Variants in TMPRSS7 observed in about 807,000 individuals in gnomAD.
TMPRSS7 encodes the protein transmembrane protease serine 7.
TMPRSS7 carries 81 observed loss-of-function variants against 95.6 expected under a neutral mutation model. That is an observed-to-expected ratio of 0.85 (90% CI 0.71 to 1.02). TMPRSS7 has a LOEUF of 1.02. TMPRSS7 is among the 50% of genes least tolerant of loss of function. TMPRSS7 has a pLI of 0.00. For synonymous variants in TMPRSS7, 364 were observed against 337.8 expected (o/e 1.08, Z -0.85); for missense variants, 945 against 955.2 (o/e 0.99, Z 0.14).
At chr3:112,057,003 G>A (rs746317746) in intron 9 of TMPRSS7, 22 bp from the exon 10 acceptor site, 1 of 1,522,160 alleles carries the variant, frequency 6.6e-7, no homozygotes. Context: ...ATTTTTTTCT[G>A]ACTTAATGTT....
exon 11 of TMPRSS7, chr3:112,061,860 T>C: frequency 1.2e-6 from 2 of 1,612,824 alleles, no homozygotes; most frequent in African/African-American, 1.3e-5. Flanking sequence ...TCAGCTCCAG[T>C]GCAGTTCAAG....
At chr3:112,041,613 A>T (rs2073210015) in intron 2 of TMPRSS7, among the ~76,000 whole-genome samples, 2 of 152,236 alleles carry the variant, frequency 1.3e-5, no homozygotes, top group Admixed American at 6.5e-5. Context: ...GACAGAGAGA[A>T]ATTATGATAA....
intron 2 of TMPRSS7, among the ~76,000 whole-genome samples, chr3:112,040,438 A>T (rs2073193890): frequency 1.3e-5 from 2 of 152,194 alleles, no homozygotes; most frequent in South Asian, 4.1e-4. Flanking sequence ...GTTCCCGAAC[A>T]TTCATTTGAT....
At chr3:112,067,091 G>A (rs948428794) in intron 13 of TMPRSS7, among the ~76,000 whole-genome samples, 13 of 152,086 alleles carry the variant, frequency 8.5e-5, no homozygotes, top group Non-Finnish European at 5.9e-5. Context: ...TTGGTTTTCC[G>A]TCCTTGTGAT....
chr3:112,040,931 G>A (rs2073200143), intron 2 of TMPRSS7, among the ~76,000 whole-genome samples: 1 of 152,134 alleles, frequency 6.6e-6, no homozygotes, highest in Non-Finnish European at 1.5e-5. Flanking sequence ...GAAGAGTTAG[G>A]TAAATGTAGT....
chr3:112,078,865 G>T, exon 17 of TMPRSS7: 1 of 1,613,880 alleles, frequency 6.2e-7, no homozygotes, highest in Non-Finnish European at 8.5e-7. Flanking sequence ...TCAGGCAAGA[G>T]AGATGCCTGC....
At position 112,067,340 on chromosome 3, in the gene TMPRSS7, T is replaced by A. The variant is rs577602482; in HGVS notation, c.1666+838T>A. Among the ~76,000 whole-genome samples the A allele has an allele frequency of 1.5e-3, 234 of 152,352 alleles. 1 individual carries two copies. Among genetic ancestry groups the A allele is most frequent in the African/African-American group, 5.2e-3 (217 of 41,580 alleles). ...CATGATTTATAATCCTTTAGGTATA[T>A]ACCCAGTAATGGGATGGCTGGGTCA... is the stretch of plus-strand genomic sequence containing the variant. On this transcript the variant is annotated intron_variant, in intron 13 of 17. Coordinates refer to ENST00000452346, the Ensembl canonical transcript of TMPRSS7.
In TMPRSS7 at chr3:112,053,275, A is replaced by G. The variant is rs140902268; in HGVS notation, c.1203+2492A>G. Among the ~76,000 whole-genome samples, 686 of 152,232 alleles carry G rather than the reference A, an allele frequency of 4.5e-3. 5 individuals are homozygous for G. The highest frequency in any genetic ancestry group is 0.016 in the African/African-American group (655 of 41,528). On this transcript the variant is annotated intron_variant, in intron 9 of 17. Coordinates refer to ENST00000452346, the Ensembl canonical transcript of TMPRSS7. Reference sequence around the variant, plus strand: ...CAAAAGTTAGTTTATATTCTCCTCAATCCATCTTAGTGTCTGGTCCCATTT... The same window carrying G: ...CAAAAGTTAGTTTATATTCTCCTCAGTCCATCTTAGTGTCTGGTCCCATTT...
chr3:112,066,417 C>T, exon 13 of TMPRSS7: 4 of 1,613,888 alleles, frequency 2.5e-6, no homozygotes, highest in Non-Finnish European at 2.5e-6. Context: ...CCTGCAATAC[C>T]AGCTCCTTCA....
At chr3:112,067,129 T>C (rs1458641513) in intron 13 of TMPRSS7, among the ~76,000 whole-genome samples, 1 of 152,204 alleles carries the variant, frequency 6.6e-6, no homozygotes. Context: ...GGTTTCCAGC[T>C]TCATCCATGT....
rs4682345 is a variant in TMPRSS7, at chr3:112,036,483, G to A, written c.49-1589G>A. On this transcript the variant is annotated intron_variant, in intron 1 of 17. Coordinates refer to ENST00000452346, the Ensembl canonical transcript of TMPRSS7. ...CTTGGGATGCTGAGGCAGGGGAATC[G>A]CTGGAACCCATGAGGCAGAGGTTGC... 8.6e-5 allele frequency among the ~76,000 whole-genome samples: 13 copies of A among 151,638 alleles called. No individual in the cohort carries two copies. The South Asian group carries it at 1.5e-3, about 17-fold the overall frequency.
Position 112,077,154 on chromosome 3 carries a change from T to A in TMPRSS7, c.2224+10T>A, listed in dbSNP as rs746483349. On this transcript the variant is annotated intron_variant, in intron 16 of 17. Coordinates refer to ENST00000452346, the Ensembl canonical transcript of TMPRSS7. ...CGAAGACACGAAGCAGGTGTGTGTA[T>A]GAATGAATGGTCATGCCCTTCCCCT... The A allele has an allele frequency of 3.1e-6, 5 of 1,612,786 alleles. No individual in the cohort carries two copies. Among genetic ancestry groups the A allele is most frequent in the Non-Finnish European group, 4.2e-6 (5 of 1,179,286 alleles).
chr3:112,053,723 T>C (rs1429502159), intron 9 of TMPRSS7, among the ~76,000 whole-genome samples: 4 of 152,222 alleles, frequency 2.6e-5, no homozygotes, highest in Non-Finnish European at 4.4e-5. Flanking sequence ...AATCATTTGC[T>C]AGGGATCACT....
intron 13 of TMPRSS7, among the ~76,000 whole-genome samples, chr3:112,067,084 G>A (rs1320490203): frequency 1.3e-5 from 2 of 152,110 alleles, no homozygotes; most frequent in African/African-American, 4.8e-5. Flanking sequence ...GCAGTGTTTG[G>A]TTTTCCGTCC....
exon 17 of TMPRSS7, chr3:112,078,793 A>G: frequency 6.2e-7 from 1 of 1,614,198 alleles, no homozygotes; most frequent in African/African-American, 1.3e-5. Context: ...CTCATTGATC[A>G]AACGCTCTGT....
chr3:112,051,181 T>C (rs1268284450), intron 9 of TMPRSS7, among the ~76,000 whole-genome samples: 2 of 152,156 alleles, frequency 1.3e-5, no homozygotes, highest in Non-Finnish European at 2.9e-5. Context: ...TTGGCATCCG[T>C]GGATTAAACC....
At position 112,064,803 on chromosome 3, in the gene TMPRSS7, T is replaced by C. The variant is rs572375476; in HGVS notation, c.1555+1171T>C. Among the ~76,000 whole-genome samples the C allele has an allele frequency of 3.3e-5, 5 of 152,362 alleles. No individual in the cohort carries two copies. In the South Asian group the frequency reaches 8.3e-4, roughly 25 times the overall value. ...CTCTGTCTTAATTTTTCATGACTAT[T>C]TGTACCTCATTCTTGAATCTATCTC... On this transcript the variant is annotated intron_variant, in intron 12 of 17. Transcript: ENST00000452346.
intron 4 of TMPRSS7, among the ~76,000 whole-genome samples, chr3:112,044,932 T>C (rs774778): frequency 0.88 from 134,389 of 152,190 alleles, 60,558 homozygotes; most frequent in East Asian, 1. Context: ...AGTATTTATG[T>C]CATTAGGAGC....
At chr3:112,038,887 T>C (rs2073178484) in intron 2 of TMPRSS7, among the ~76,000 whole-genome samples, 1 of 152,038 alleles carries the variant, frequency 6.6e-6, no homozygotes, top group African/African-American at 2.4e-5. Flanking sequence ...AGGAGGAGAT[T>C]GGGGATAGGA....
Sources: allele counts gnomAD v4.1 joint callset (sites outside exome capture counted in the v4.1 genomes callset), GRCh38; gene constraint gnomAD v4.1.1; transcripts MANE v1.5; gene names NCBI Gene and HGNC (gene_info 2026-07-23, HGNC 2026-07-21).